The following DOP1A variants were observed in gnomAD, a reference collection of about 807,000 sequenced individuals.
The protein encoded by DOP1A is DOP1 leucine zipper like protein A, also known as protein DOP1A.
Under a neutral mutation model 267.6 loss-of-function variants are expected in DOP1A, and 90 were observed. That is an observed-to-expected ratio of 0.34 (90% confidence interval 0.28 to 0.40). The LOEUF is 0.40. Ranked by LOEUF, DOP1A falls within the 10% of genes least tolerant of loss-of-function variation. The pLI is 1.00. For missense variants in DOP1A, 2,437 were observed against 2,900.4 expected (o/e 0.84, Z 3.67); for synonymous variants, 932 against 999.1 (o/e 0.93, Z 1.27).
intron 16 of DOP1A, 144 bp downstream of exon 16, chr6:83,129,652 A>G (rs1777724557): frequency 1.3e-6 from 1 of 770,682 alleles, no homozygotes; most frequent in Non-Finnish European, 1.9e-6. Flanking sequence ...AAAATGAAAT[A>G]CTGTCACTAT....
chr6:83,071,099 G>A (rs995586489), intron 1 of DOP1A, among the ~76,000 whole-genome samples: 1 of 152,172 alleles, frequency 6.6e-6, no homozygotes, highest in Non-Finnish European at 1.5e-5. Flanking sequence ...CCTAAAACTT[G>A]CCCTTTGTTT....
At chr6:83,072,332 G>C (rs781223790) in intron 1 of DOP1A, among the ~76,000 whole-genome samples, 2 of 151,922 alleles carry the variant, frequency 1.3e-5, no homozygotes, top group Non-Finnish European at 2.9e-5. Context: ...AAATTAACCT[G>C]AGTGGTGATA....
At chr6:83,166,301 AATT>A (rs528716593) in intron 38 of DOP1A, 129 of 639,298 alleles carry the variant, frequency 2.0e-4, no homozygotes, top group Non-Finnish European at 3.2e-4. Context: ...TGATGTTCTC[AATT>A]GGTCATTATC....
rs779268781 is a variant in DOP1A at position 83,138,451 on chromosome 6, C to G, written c.4409C>G (p.Thr1470Ser). Residue 1470 changes from threonine to serine, a missense_variant, in exon 21 of 39, where the codon ACT becomes AGT. Thr to Ser is a moderately conservative substitution (Grantham distance 58). Around this residue, in one of 9 missense-constraint regions of DOP1A, gnomAD observed 878 missense variants for 992.9 expected, o/e 0.88. Coordinates refer to ENST00000349129, the MANE Select transcript of DOP1A (RefSeq NM_015018.4). ...CLYYMRSHYPTHVKVTAQDLI... is the reference protein window; with the variant it reads ...CLYYMRSHYPSHVKVTAQDLI... ...TATTACATGCGTAGCCATTACCCAA[C>G]TCATGTCAAGGTTACTGCACAAGAT... 2 of 1,612,654 alleles carry G rather than the reference C, an allele frequency of 1.2e-6. No individual in the cohort carries two copies. The highest frequency in any genetic ancestry group is 1.1e-5 in the South Asian group (1 of 91,074).
intron 7 of DOP1A, among the ~76,000 whole-genome samples, chr6:83,117,847 A>G (rs762157171): frequency 6.6e-6 from 1 of 152,220 alleles, no homozygotes; most frequent in Non-Finnish European, 1.5e-5. Context: ...TTGTGTTCAA[A>G]GGAGTGAACC....
downstream of DOP1A, chr6:83,168,552 T>C (rs1410487500): frequency 1.0e-6 from 1 of 1,001,920 alleles, no homozygotes; most frequent in Non-Finnish European, 1.2e-6. Flanking sequence ...GGTATCAGAA[T>C]GGTGTTCCTT....
intron 1 of DOP1A, among the ~76,000 whole-genome samples, chr6:83,069,324 G>C (rs768547813): frequency 6.6e-6 from 1 of 152,134 alleles, no homozygotes; most frequent in South Asian, 2.1e-4. Context: ...GTTAAACTAG[G>C]TTTAACTTTT....
At chr6:83,169,257 C>A (rs779517155), downstream of DOP1A, 1 of 1,614,060 alleles carries the variant, frequency 6.2e-7, no homozygotes, top group Non-Finnish European at 8.5e-7. Flanking sequence ...TGGGGCCTTT[C>A]TCCAATTCCT....
intron 38 of DOP1A, chr6:83,164,697 G>A (rs756242832): frequency 6.3e-7 from 1 of 1,590,674 alleles, no homozygotes; most frequent in South Asian, 1.1e-5. Context: ...ATTTTGGAGG[G>A]ATTGGAGATG....
intron 20 of DOP1A, 115 bp from the exon 21 acceptor site, chr6:83,137,058 A>C: frequency 9.9e-7 from 1 of 1,010,650 alleles, no homozygotes; most frequent in South Asian, 3.0e-5. Flanking sequence ...TTAGGAAAAT[A>C]TAAGTAGATG....
chr6:83,125,170 C>T lies in DOP1A; in HGVS notation c.1460C>T (p.Thr487Ile). Residue 487 changes from threonine (T) to isoleucine (I), a missense_variant, in exon 14 of 39, where the codon ACT (threonine) becomes ATT (isoleucine). Thr to Ile is a moderately conservative substitution (Grantham distance 89). This residue lies in a region of DOP1A where 498 missense variants were observed against 513.5 expected (regional missense o/e 0.97). Coordinates refer to ENST00000349129, the MANE Select transcript of DOP1A (RefSeq NM_015018.4). ...CTTTGCTTTCTCATTTTGAAGCCTA[C>T]TAGAAGTATGAGGGTGCTGTGTCAG... ...DFLLDIVSLP[T>I]RSMRVLCQET... 1 of 1,583,418 alleles carries T rather than the reference C, an allele frequency of 6.3e-7. No individual in the cohort carries two copies. The highest frequency in any genetic ancestry group is 8.5e-7 in the Non-Finnish European group (1 of 1,171,556).
intron 7 of DOP1A, among the ~76,000 whole-genome samples, chr6:83,116,693 C>T (rs534491584): frequency 6.6e-6 from 1 of 152,064 alleles, no homozygotes; most frequent in Admixed American, 6.6e-5. Flanking sequence ...TGCCTGTAAC[C>T]CCAGCTACTC....
rs1779094937 is a variant in DOP1A, at chr6:83,137,918, A to C, written c.3876A>C (p.Lys1292Asn). ...EKETIVKESG[K>N]QPGAKPKVKL... ...AAACAATAGTTAAGGAGTCAGGTAA[A>C]CAACCAGGAGCAAAACCTAAAGTAA... Residue 1292 changes from lysine (K) to asparagine (N), a missense_variant, in exon 21 of 39, where the codon AAA becomes AAC. Physicochemically the swap from Lys to Asn is moderately conservative, Grantham distance 94. Around this residue, in one of 9 missense-constraint regions of DOP1A, gnomAD observed 878 missense variants for 992.9 expected, o/e 0.88. Coordinates refer to ENST00000349129, the MANE Select transcript of DOP1A (RefSeq NM_015018.4). 1 of 1,609,894 alleles carries C rather than the reference A, an allele frequency of 6.2e-7. No individual in the cohort carries two copies. Among genetic ancestry groups the C allele is most frequent in the Non-Finnish European group, 8.5e-7 (1 of 1,178,870 alleles).
rs773538615 is a variant in DOP1A at position 83,158,621 on chromosome 6, C to T, written c.6796C>T (p.Arg2266Trp). ...ACTCACTGCTGATGAAGATATTTCA[C>T]GGTAATATGTAATTTAAATATATTG... ...QELTADEDIS[R>W]TSGPSVAGLE... is the part of the protein sequence containing the mutation. The change falls in exon 36 of 39, where the codon CGG becomes TGG. Residue 2266 changes from arginine (R) to tryptophan (W), a missense_variant and splice_region_variant. Arg to Trp is a moderately radical substitution (Grantham distance 101). Around this residue, in one of 9 missense-constraint regions of DOP1A, gnomAD observed 197 missense variants for 246.5 expected, o/e 0.80. Coordinates refer to ENST00000349129, the MANE Select transcript of DOP1A (RefSeq NM_015018.4). 25 of 1,597,878 alleles carry T rather than the reference C, an allele frequency of 1.6e-5. No individual in the cohort carries two copies. Among genetic ancestry groups the T allele is most frequent in the Admixed American group, 1.0e-4 (6 of 59,276 alleles).
At chr6:83,089,033 A>G (rs1238865218) in intron 1 of DOP1A, among the ~76,000 whole-genome samples, 1 of 152,218 alleles carries the variant, frequency 6.6e-6, no homozygotes, top group Non-Finnish European at 1.5e-5. Context: ...ACAATAATTC[A>G]TTAATTTATA....
chr6:83,114,510 C>G (rs1775083253), intron 7 of DOP1A, among the ~76,000 whole-genome samples: 1 of 152,178 alleles, frequency 6.6e-6, no homozygotes. Context: ...TGTATGTGAT[C>G]TGAAAGTCTA....
Position 83,139,389 on chromosome 6 carries a change from C to A in DOP1A, c.5120+227C>A, listed in dbSNP as rs532271918. Among the ~76,000 whole-genome samples the A allele has an allele frequency of 1.2e-3, 186 of 152,162 alleles. 2 individuals are homozygous for A. Among genetic ancestry groups the A allele is most frequent in the South Asian group, 9.3e-3 (45 of 4,826 alleles). Reference sequence around the variant, plus strand: ...ATATTTAAACAGGCTTATTTTCTACCAAGATCTAAAATTAATTTCAATGCT... The same window carrying A: ...ATATTTAAACAGGCTTATTTTCTACAAAGATCTAAAATTAATTTCAATGCT... On this transcript the variant is annotated intron_variant, in intron 21 of 38. Coordinates refer to ENST00000349129, the MANE Select transcript of DOP1A (RefSeq NM_015018.4).
Position 83,138,714 on chromosome 6 carries a change from G to A in DOP1A, c.4672G>A (p.Gly1558Ser). The change falls in exon 21 of 39, where the codon GGT becomes AGT. Residue 1558 changes from glycine (G) to serine (S), a missense_variant. Physicochemically the swap from Gly to Ser is moderately conservative, Grantham distance 56 (BLOSUM62 0). Coordinates refer to ENST00000349129, the MANE Select transcript of DOP1A (RefSeq NM_015018.4). ...AGKNLVAVEE[G>S]FSEDSLINFS... ...TAAGAACCTGGTTGCTGTGGAAGAA[G>A]GTTTCTCAGAGGACAGCCTTATTAA... The A allele has an allele frequency of 6.2e-7, 1 of 1,614,032 alleles. No individual in the cohort carries two copies. The highest frequency in any genetic ancestry group is 8.5e-7 in the Non-Finnish European group (1 of 1,179,952).
Position 83,140,290 on chromosome 6 carries a change from A to C in DOP1A, c.5302A>C (p.Ile1768Leu). Residue 1768 changes from isoleucine to leucine, a missense_variant, in exon 23 of 39, where the codon ATC becomes CTC. By Grantham distance (5) the Ile-to-Leu change is conservative. Coordinates refer to ENST00000349129, the MANE Select transcript of DOP1A (RefSeq NM_015018.4). ...RSGILSILHM[I>L]MSSVTLLWSI... ...TGGAATCCTCTCAATCCTTCATATG[A>C]TCATGTCCTCTGTGACACTGCTTTG... is the stretch of plus-strand genomic sequence containing the variant. 3.1e-6 allele frequency: 5 copies of C among 1,613,686 alleles called. No homozygotes were observed. Among genetic ancestry groups the C allele is most frequent in the Non-Finnish European group, 4.2e-6 (5 of 1,179,918 alleles).
Sources: allele counts gnomAD v4.1 joint callset (sites outside exome capture counted in the v4.1 genomes callset), GRCh38; gene constraint gnomAD v4.1.1; regional missense constraint gnomAD v4.1.1; transcripts MANE v1.5; gene names NCBI Gene and HGNC (gene_info 2026-07-23, HGNC 2026-07-21).